MARCO: variants seen among roughly 807,000 people sequenced by gnomAD.
The protein encoded by MARCO is macrophage receptor MARCO.
Under a neutral mutation model 70.0 loss-of-function variants are expected in MARCO, and 72 were observed. That is an observed-to-expected ratio of 1.03 (90% CI 0.85 to 1.25). The LOEUF is 1.25. MARCO is among the 50% of genes most tolerant of loss of function. MARCO has a pLI of 0.00. For synonymous variants in MARCO, 273 were observed against 243.1 expected (o/e 1.12, Z -1.14); for missense variants, 696 against 659.3 (o/e 1.06, Z -0.61).
intron 12 of MARCO, among the ~76,000 whole-genome samples, chr2:118,988,661 G>A (rs919487198): frequency 2.0e-4 from 30 of 152,108 alleles, no homozygotes; most frequent in African/African-American, 7.2e-4. Flanking sequence ...TACAGAATGT[G>A]ATCTTTCGCC....
intron 8 of MARCO, among the ~76,000 whole-genome samples, chr2:118,978,402 G>A (rs1680327357): frequency 1.3e-5 from 2 of 152,230 alleles, no homozygotes; most frequent in Admixed American, 6.5e-5. Flanking sequence ...AATGCAGGGA[G>A]GGCTCGAGGG....
At chr2:118,959,512 A>G (rs1679902322) in intron 1 of MARCO, among the ~76,000 whole-genome samples, 1 of 152,150 alleles carries the variant, frequency 6.6e-6, no homozygotes, top group African/African-American at 2.4e-5. Context: ...TGTGGTGATC[A>G]GGGAACACTT....
At chr2:118,957,069 C>T (rs571876766) in intron 1 of MARCO, among the ~76,000 whole-genome samples, 35 of 152,100 alleles carry the variant, frequency 2.3e-4, no homozygotes, top group Middle Eastern at 3.4e-3. Flanking sequence ...TCTAAGGTCA[C>T]ACCTCAAGGA....
In MARCO at chr2:118,954,305, C is replaced by T. The variant is rs564587472; in HGVS notation, c.97+11908C>T. On this transcript the variant is annotated intron_variant, in intron 1 of 16. Coordinates refer to ENST00000327097, the MANE Select transcript of MARCO (RefSeq NM_006770.4). ...GCCTGTGACTGCCAGCTTTCCCCCA[C>T]TTCCCTGACAACCTGCATGACTCAG... Among the ~76,000 whole-genome samples, 23 of 152,270 alleles carry T rather than the reference C, an allele frequency of 1.5e-4. No individual in the cohort carries two copies. The East Asian group carries it at 4.3e-3, about 28-fold the overall frequency.
intron 1 of MARCO, among the ~76,000 whole-genome samples, chr2:118,956,411 A>ATACTTCAATAC (rs1679838854): frequency 6.9e-6 from 1 of 144,518 alleles, no homozygotes; most frequent in Non-Finnish European, 1.5e-5. Flanking sequence ...ACATTATGTA[A>ATACTTCAATAC]TGGTAAAAGT....
Position 118,994,651 on chromosome 2 carries a change from C to T in MARCO, c.*131C>T. ...GAGAGGGGCCATTAATAAAGCTCAACATCATTGGCTGTGGCTGAGTGTCAC... is the reference window on the plus strand; with the variant it reads ...GAGAGGGGCCATTAATAAAGCTCAATATCATTGGCTGTGGCTGAGTGTCAC... On this transcript the variant is annotated 3_prime_UTR_variant, in exon 17 of 17. Coordinates refer to ENST00000327097, the MANE Select transcript of MARCO (RefSeq NM_006770.4). 1.2e-6 allele frequency: 1 copy of T among 851,596 alleles called. No homozygotes were observed. The highest frequency in any genetic ancestry group is 2.9e-5 in the Admixed American group (1 of 34,566). The allele number at this position is 851,596 out of a possible 1,614,324, so 52.8% of individuals were successfully genotyped here.
At chr2:118,987,584 G>T (rs1326804655) in intron 12 of MARCO, among the ~76,000 whole-genome samples, 2 of 151,886 alleles carry the variant, frequency 1.3e-5, no homozygotes, top group African/African-American at 4.8e-5. Context: ...AGCTCCTAAA[G>T]AGACAAGGAA....
chr2:118,966,652 A>T (rs1680057003), intron 1 of MARCO, among the ~76,000 whole-genome samples: 1 of 152,146 alleles, frequency 6.6e-6, no homozygotes, highest in African/African-American at 2.4e-5. Flanking sequence ...CCTTACTCAC[A>T]TGCCTTCCAC....
rs761083174 is a variant in MARCO, at chr2:118,992,382, C to T, written c.1208-50C>T. On this transcript the variant is annotated intron_variant, in intron 14 of 16. Coordinates refer to ENST00000327097, the MANE Select transcript of MARCO (RefSeq NM_006770.4). Reference sequence around the variant, plus strand: ...CCACTCATGCAAATGCAGGCAAAGGCGTCCTGCCTGGGTTTCTTTCAAACC... The same window carrying T: ...CCACTCATGCAAATGCAGGCAAAGGTGTCCTGCCTGGGTTTCTTTCAAACC... The T allele has an allele frequency of 9.2e-6, 14 of 1,528,694 alleles. No homozygotes were observed. The South Asian group carries it at 1.1e-4, about 12-fold the overall frequency. The allele number at this position is 1,528,694 out of a possible 1,614,324, so 94.7% of individuals were successfully genotyped here.
rs754124132 is a variant in MARCO at position 118,994,487 on chromosome 2, C to T, written c.1530C>T (p.His510=). ...GCTGGGGCCATCATGACTGCAGCCA[C>T]GAGGAGGACGCAGGCGTGGAGTGCA... ...KNSWGHHDCS[H]EEDAGVECSV is the part of the protein sequence containing the mutation. Residue 510 remains histidine, a synonymous_variant, in exon 17 of 17, where the codon CAC becomes CAT. Coordinates refer to ENST00000327097, the MANE Select transcript of MARCO (RefSeq NM_006770.4). 37 of 1,611,300 alleles carry T rather than the reference C, an allele frequency of 2.3e-5. 1 individual carries two copies. The highest frequency in any genetic ancestry group is 1.7e-4 in the African/African-American group (13 of 74,854).
At chr2:118,984,634 G>A (rs1680452210) in intron 12 of MARCO, among the ~76,000 whole-genome samples, 2 of 152,192 alleles carry the variant, frequency 1.3e-5, no homozygotes, top group South Asian at 4.1e-4. Flanking sequence ...AATTCCAATA[G>A]GACCATAATC....
chr2:118,986,672 G>GGAAGGAAGGAAGGAAAGAAAGAAA (rs1680505947), intron 12 of MARCO, among the ~76,000 whole-genome samples: 9 of 48,694 alleles, frequency 1.8e-4, no homozygotes, highest in East Asian at 9.0e-4. Flanking sequence ...AAGGAAGGAA[G>GGAAGGAAGGAAGGAAAGAAAGAAA]GAAAGAAAGA....
intron 1 of MARCO, among the ~76,000 whole-genome samples, chr2:118,950,974 A>G (rs1265910628): frequency 2.0e-5 from 3 of 152,236 alleles, no homozygotes; most frequent in Admixed American, 2.0e-4. Context: ...GATTTCAATT[A>G]TCCTTTGCTA....
intron 1 of MARCO, chr2:118,944,974 T>C (rs1679568147): frequency 6.6e-6 from 1 of 152,168 alleles, no homozygotes; most frequent in Non-Finnish European, 1.5e-5. Context: ...AGGAGTGTGA[T>C]TAACAATACA....
chr2:118,974,294 G>A, intron 4 of MARCO, 39 bp from the exon 5 acceptor site: 2 of 1,257,140 alleles, frequency 1.6e-6, no homozygotes, highest in South Asian at 1.3e-5. Context: ...GCCCCATCCT[G>A]TTGACTGACT....
At chr2:118,973,678 G>T (rs1680218764) in intron 4 of MARCO, among the ~76,000 whole-genome samples, 1 of 152,152 alleles carries the variant, frequency 6.6e-6, no homozygotes, top group Non-Finnish European at 1.5e-5. Flanking sequence ...GAACCCAGAA[G>T]TCATGGTCTC....
intron 12 of MARCO, 144 bp downstream of exon 12, chr2:118,982,554 T>C (rs1263317645): frequency 1.9e-5 from 15 of 781,156 alleles, no homozygotes; most frequent in Non-Finnish European, 1.8e-5. Context: ...ATGGGGGCAG[T>C]TGCCCCTGCC....
In MARCO at chr2:118,991,785, G is replaced by A. The variant is rs753013525; in HGVS notation, c.1117G>A (p.Gly373Ser). 1 of 1,585,518 alleles carries A rather than the reference G, an allele frequency of 6.3e-7. No individual in the cohort carries two copies. Among genetic ancestry groups the A allele is most frequent in the African/African-American group, 1.3e-5 (1 of 74,536 alleles). ...AGTGTCTCTCCTTCCAGGCCCTGCA[G>A]GTGTGAAGGGAGAACAGGGGAGCCC... ...KGESGVPGPA[G>S]VKGEQGSPGL... The change falls in exon 14 of 17, where the codon GGT becomes AGT. Residue 373 changes from glycine (G) to serine (S), a missense_variant. Coordinates refer to ENST00000327097, the MANE Select transcript of MARCO (RefSeq NM_006770.4).
intron 6 of MARCO, among the ~76,000 whole-genome samples, chr2:118,976,713 G>A (rs1680290566): frequency 6.6e-6 from 1 of 152,210 alleles, no homozygotes; most frequent in Admixed American, 6.5e-5. Context: ...AGAAAATTCA[G>A]ATGCAGAATA....
Sources: allele counts gnomAD v4.1 joint callset (sites outside exome capture counted in the v4.1 genomes callset), GRCh38; gene constraint gnomAD v4.1.1; transcripts MANE v1.5; gene names NCBI Gene and HGNC (gene_info 2026-07-23, HGNC 2026-07-21).